CALN1: variants seen among roughly 807,000 people sequenced by gnomAD.
The protein encoded by CALN1 is calcium-binding protein 8.
A neutral mutation model predicts 30.6 loss-of-function variants in CALN1; 17 were observed. That is an observed-to-expected ratio of 0.56 (90% CI 0.38 to 0.83). The LOEUF (loss-of-function observed/expected upper bound fraction) is 0.83, where lower values mean the gene tolerates loss of function less well. Among genes scored for constraint, CALN1 ranks in the 40% least tolerant of loss-of-function variants. The probability of loss-of-function intolerance (pLI) is 0.00; values close to 1 mark genes in which losing one functional copy is unlikely to be tolerated. For synonymous variants in CALN1, 156 were observed against 131.4 expected (o/e 1.19, Z -1.28); for missense variants, 291 against 354.9 (o/e 0.82, Z 1.45).
Position 72,127,709 on chromosome 7 carries a change from T to C in CALN1, c.245-21415A>G, listed in dbSNP as rs183257972. On this transcript the variant is annotated intron_variant, in intron 3 of 6. Coordinates refer to ENST00000395275, the MANE Select transcript of CALN1 (RefSeq NM_031468.4). Reference sequence around the variant, plus strand: ...AGAAAAATCCAGAAGGTTTGTTTGATGATGTGCCTGGTATGGTGTAGGGTG... The same window carrying C: ...AGAAAAATCCAGAAGGTTTGTTTGACGATGTGCCTGGTATGGTGTAGGGTG... Among the ~76,000 whole-genome samples the C allele has an allele frequency of 2.0e-3, 300 of 152,324 alleles. 2 individuals are homozygous for C. Among genetic ancestry groups the C allele is most frequent in the Middle Eastern group, 6.8e-3 (2 of 294 alleles).
At chr7:72,069,174 G>A (rs1804226055) in intron 4 of CALN1, among the ~76,000 whole-genome samples, 1 of 152,150 alleles carries the variant, frequency 6.6e-6, no homozygotes, top group Non-Finnish European at 1.5e-5. Flanking sequence ...CAGACTTCAG[G>A]AGAACCACTG....
intron 4 of CALN1, among the ~76,000 whole-genome samples, chr7:72,087,182 T>C (rs1464968485): frequency 6.6e-6 from 1 of 152,190 alleles, no homozygotes; most frequent in Non-Finnish European, 1.5e-5. Flanking sequence ...ATTGTTTTGA[T>C]CTAAATGTTT....
intron 5 of CALN1, among the ~76,000 whole-genome samples, chr7:71,953,953 C>T (rs1796829198): frequency 6.6e-6 from 1 of 152,184 alleles, no homozygotes; most frequent in African/African-American, 2.4e-5. Flanking sequence ...AAAACATGAT[C>T]TCAGTCTCTC....
chr7:71,987,057 C>A (rs1798709882), intron 5 of CALN1, among the ~76,000 whole-genome samples: 1 of 151,410 alleles, frequency 6.6e-6, no homozygotes, highest in Non-Finnish European at 1.5e-5. Flanking sequence ...ACCTGGGAGG[C>A]AGAGGTTGCA....
At chr7:72,407,315 G>A (rs1055103707) in intron 1 of CALN1, among the ~76,000 whole-genome samples, 1 of 152,190 alleles carries the variant, frequency 6.6e-6, no homozygotes, top group Non-Finnish European at 1.5e-5. Context: ...GCACAGAGCA[G>A]GTGCTACATA....
chr7:71,819,272 G>A (rs552521264), intron 5 of CALN1, among the ~76,000 whole-genome samples: 11 of 149,326 alleles, frequency 7.4e-5, no homozygotes, highest in Admixed American at 2.0e-4. Context: ...GCAGTGGTGC[G>A]ATCTTGGCTC....
chr7:72,485,273 A>T, the CALN1 span, among the ~76,000 whole-genome samples: 1 of 152,062 alleles, frequency 6.6e-6, no homozygotes, highest in Non-Finnish European at 1.5e-5. Flanking sequence ...AACAACTAAT[A>T]CTGTGCCGGG....
chr7:72,078,503 TA>T (rs1804900857), intron 4 of CALN1, among the ~76,000 whole-genome samples: 1 of 152,084 alleles, frequency 6.6e-6, no homozygotes, highest in Non-Finnish European at 1.5e-5. Flanking sequence ...TGAAAATCCA[TA>T]AACAGACAAA....
intron 5 of CALN1, among the ~76,000 whole-genome samples, chr7:71,819,093 A>G (rs1250160148): frequency 6.6e-6 from 1 of 152,106 alleles, no homozygotes; most frequent in African/African-American, 2.4e-5. Flanking sequence ...AGGCTCAAGC[A>G]GTCCTACCAC....
intron 3 of CALN1, among the ~76,000 whole-genome samples, chr7:72,205,562 AT>A (rs1338925027): frequency 1.7e-5 from 2 of 117,562 alleles, no homozygotes; most frequent in Non-Finnish European, 3.2e-5. Context: ...ATATATATAT[AT>A]ATATGTATAT....
At chr7:72,072,513 G>A (rs1804467706) in intron 4 of CALN1, among the ~76,000 whole-genome samples, 1 of 152,092 alleles carries the variant, frequency 6.6e-6, no homozygotes. Flanking sequence ...GATACTAAAG[G>A]GAGTCCTTCA....
At chr7:72,199,016 T>C (rs1289259349) in intron 3 of CALN1, among the ~76,000 whole-genome samples, 1 of 152,218 alleles carries the variant, frequency 6.6e-6, no homozygotes, top group East Asian at 1.9e-4. Flanking sequence ...GGCTCATGCC[T>C]GTAATCCCAG....
intron 2 of CALN1, among the ~76,000 whole-genome samples, chr7:72,401,196 G>A (rs73364969): frequency 0.028 from 4,216 of 152,258 alleles, 189 homozygotes; most frequent in African/African-American, 0.095. Flanking sequence ...TTTACCTGAA[G>A]GAGGTTCCCA....
chr7:72,399,807 G>A (rs560184892), intron 2 of CALN1, among the ~76,000 whole-genome samples: 135 of 152,302 alleles, frequency 8.9e-4, no homozygotes, highest in African/African-American at 3.2e-3. Context: ...GTTGGAGATG[G>A]GGCCTAGTGG....
chr7:72,046,659 G>A (rs982185236), intron 4 of CALN1, among the ~76,000 whole-genome samples: 1 of 138,424 alleles, frequency 7.2e-6, no homozygotes, highest in African/African-American at 2.7e-5. Context: ...GCAGTGAGCC[G>A]AGATCACGCC....
chr7:71,946,256 G>C (rs1006445788), intron 5 of CALN1, among the ~76,000 whole-genome samples: 78 of 151,988 alleles, frequency 5.1e-4, no homozygotes, highest in African/African-American at 1.8e-3. Context: ...ATTTTTGTCT[G>C]TTTCCCAAGA....
chr7:72,379,314 T>C (rs1804752949), intron 2 of CALN1, among the ~76,000 whole-genome samples: 1 of 152,176 alleles, frequency 6.6e-6, no homozygotes. Context: ...TCATTTTCTC[T>C]GATAATACAG....
chr7:72,164,312 T>C (rs1414149726), intron 3 of CALN1, among the ~76,000 whole-genome samples: 6 of 144,258 alleles, frequency 4.2e-5, no homozygotes, highest in South Asian at 4.3e-4. Context: ...GATCACGCCA[T>C]TGCACTCCAG....
At chr7:71,920,896 A>G (rs960222607) in intron 5 of CALN1, among the ~76,000 whole-genome samples, 6 of 152,230 alleles carry the variant, frequency 3.9e-5, no homozygotes, top group Admixed American at 3.9e-4. Context: ...CAATAAATAC[A>G]CATGCATACG....
Sources: allele counts gnomAD v4.1 joint callset (sites outside exome capture counted in the v4.1 genomes callset), GRCh38; gene constraint gnomAD v4.1.1; transcripts MANE v1.5; gene names NCBI Gene and HGNC (gene_info 2026-07-23, HGNC 2026-07-21).